The following TENM1 variants were observed in gnomAD, a reference collection of about 807,000 sequenced individuals.
TENM1 encodes the protein teneurin-1.
TENM1 carries 35 observed loss-of-function variants against 174.8 expected under a neutral mutation model. The observed-to-expected ratio is 0.20, with a 90% confidence interval of 0.15 to 0.27. The LOEUF is 0.27. TENM1 is among the 10% of genes least tolerant of loss of function. The pLI, the probability that TENM1 is intolerant of heterozygous loss-of-function variation, is 1.00. For missense variants in TENM1, 1,633 were observed against 2,130.1 expected (o/e 0.77, Z 4.59); for synonymous variants, 781 against 798.7 (o/e 0.98, Z 0.37).
chrX:124,376,171 A>G (rs2060102076), exon 32 of TENM1: 1 of 112,138 alleles, frequency 8.9e-6, no homozygotes, highest in African/African-American at 3.2e-5. Context: ...TCCTAGCAAC[A>G]TGGCTCAGAC....
chrX:125,011,846 C>A, the TENM1 span, among the ~76,000 whole-genome samples: 1 of 111,357 alleles, frequency 9.0e-6, no homozygotes, highest in African/African-American at 3.3e-5. Context: ...GGTATATACC[C>A]AAAAGAATAT....
chrX:124,647,349 A>G (rs1411869031), intron 8 of TENM1, among the ~76,000 whole-genome samples: 1 of 111,886 alleles, frequency 8.9e-6, no homozygotes, highest in Non-Finnish European at 1.9e-5. Context: ...TTCATATTAA[A>G]TTCACCACCA....
chrX:124,790,425 T>A (rs981337057), intron 3 of TENM1, among the ~76,000 whole-genome samples: 1 of 112,308 alleles, frequency 8.9e-6, no homozygotes, highest in Non-Finnish European at 1.9e-5. Context: ...TGTATGGCGC[T>A]TTATACTTTA....
intron 3 of TENM1, among the ~76,000 whole-genome samples, chrX:124,880,470 G>C (rs2057283391): frequency 8.9e-6 from 1 of 111,963 alleles, no homozygotes; most frequent in Non-Finnish European, 1.9e-5. Flanking sequence ...CATCTGCAAA[G>C]ACAGAACATT....
At chrX:125,183,836 GGT>G in the TENM1 span, among the ~76,000 whole-genome samples, 5 of 111,930 alleles carry the variant, frequency 4.5e-5, no homozygotes, top group Admixed American at 4.8e-4. Flanking sequence ...TCTTTTAAAT[GGT>G]GTGTGTATTC....
exon 32 of TENM1, chrX:124,377,139 AAAAAAG>A (rs1264666923): frequency 9.0e-6 from 1 of 110,966 alleles, no homozygotes; most frequent in East Asian, 2.8e-4. Flanking sequence ...TTAAAGAAAA[AAAAAAG>A]AAAAAGAGTC....
chrX:124,769,069 A>G (rs1217533260), intron 3 of TENM1, among the ~76,000 whole-genome samples: 1 of 112,257 alleles, frequency 8.9e-6, no homozygotes, highest in Non-Finnish European at 1.9e-5. Flanking sequence ...TTTTTAGAAA[A>G]TAGAAATTAC....
the TENM1 span, among the ~76,000 whole-genome samples, chrX:125,050,989 C>T: frequency 2.7e-5 from 3 of 112,176 alleles, no homozygotes; most frequent in African/African-American, 6.5e-5. Context: ...TGATAGGCAA[C>T]TTCAGCAAAG....
chrX:124,975,336 A>G, the TENM1 span, among the ~76,000 whole-genome samples: 1 of 111,488 alleles, frequency 9.0e-6, no homozygotes, highest in Admixed American at 9.6e-5. Context: ...CAAATAAACA[A>G]TCATATTCAA....
At chrX:125,058,996 C>T in the TENM1 span, among the ~76,000 whole-genome samples, 2 of 110,063 alleles carry the variant, frequency 1.8e-5, no homozygotes, top group East Asian at 2.9e-4. Context: ...ATCACACACA[C>T]ACACACACAC....
chrX:124,999,936 A>T, the TENM1 span, among the ~76,000 whole-genome samples: 48 of 111,661 alleles, frequency 4.3e-4, no homozygotes, highest in Non-Finnish European at 7.9e-4. Flanking sequence ...TTTCAAACAG[A>T]TGAGCAGATT....
the TENM1 span, among the ~76,000 whole-genome samples, chrX:125,193,942 G>A: frequency 9.1e-6 from 1 of 110,139 alleles, no homozygotes; most frequent in African/African-American, 3.3e-5. Context: ...GTACCACCAC[G>A]CCCAGTTAAT....
chrX:125,160,944 AC>A, the TENM1 span, among the ~76,000 whole-genome samples: 1 of 107,620 alleles, frequency 9.3e-6, no homozygotes, highest in Non-Finnish European at 1.9e-5. Flanking sequence ...CTAGGTATAT[AC>A]CCCAAAAAAC....
intron 20 of TENM1, among the ~76,000 whole-genome samples, chrX:124,491,029 C>T: frequency 8.9e-6 from 1 of 112,056 alleles, no homozygotes; most frequent in Non-Finnish European, 1.9e-5. Flanking sequence ...AGATAAAGCT[C>T]AGGAACCTAT....
intron 1 of TENM1, among the ~76,000 whole-genome samples, chrX:124,923,275 C>T (rs745312236): frequency 1.8e-5 from 2 of 111,710 alleles, no homozygotes; most frequent in African/African-American, 6.5e-5. Context: ...CTGATATTGA[C>T]ATCCTTGCCC....
At chrX:124,650,223 AAAAAAG>A (rs2051267739) in intron 8 of TENM1, among the ~76,000 whole-genome samples, 4 of 104,328 alleles carry the variant, frequency 3.8e-5, no homozygotes, top group African/African-American at 1.5e-4. Context: ...AAAAAAAAAA[AAAAAAG>A]AAAGAGGAGA....
Position 124,417,137 on chromosome X carries a change from T to C in TENM1, c.4982+3174A>G, listed in dbSNP as rs1235267969. ...TCCAGGACATTCCACTCTCCTAGTT[T>C]TCTTTCCACTTCACTGGCCTTTCCT... On this transcript the variant is annotated intron_variant, in intron 25 of 31. Coordinates refer to ENST00000422452, the Ensembl canonical transcript of TENM1. Among the ~76,000 whole-genome samples the C allele has an allele frequency of 9.8e-5, 11 of 112,384 alleles. No homozygotes were observed. The South Asian group carries it at 1.9e-3, about 19-fold the overall frequency.
chrX:124,645,245 G>A, exon 10 of TENM1: 1 of 1,211,544 alleles, frequency 8.3e-7, no homozygotes, highest in Admixed American at 2.2e-5. Flanking sequence ...TGTTCTTCCG[G>A]AACGTCACAC....
the TENM1 span, among the ~76,000 whole-genome samples, chrX:125,146,104 CCATAATATCTGAGATTTTATGGTGT>C: frequency 1.8e-5 from 2 of 111,812 alleles, no homozygotes; most frequent in Non-Finnish European, 3.8e-5. Flanking sequence ...CATGATTTTG[CCATAATATCTGAGATTTTATGGTGT>C]CATTCCTTTG....
Sources: allele counts gnomAD v4.1 joint callset (sites outside exome capture counted in the v4.1 genomes callset), GRCh38; gene constraint gnomAD v4.1.1; transcripts MANE v1.5; gene names NCBI Gene and HGNC (gene_info 2026-07-23, HGNC 2026-07-21).